The following ZDHHC15 variants were observed in gnomAD, a reference collection of about 807,000 sequenced individuals.
The protein encoded by ZDHHC15 is zDHHC palmitoyltransferase 15.
A neutral mutation model predicts 31.7 loss-of-function variants in ZDHHC15; 19 were observed. The ratio of observed to expected loss-of-function variants is 0.60; its 90% CI spans 0.42 to 0.88. The LOEUF (loss-of-function observed/expected upper bound fraction) is 0.88. ZDHHC15 is among the 40% of genes least tolerant of loss of function. The probability of loss-of-function intolerance (pLI) is 0.00; values close to 1 mark genes in which losing one functional copy is unlikely to be tolerated. For missense variants in ZDHHC15, 209 were observed against 251.2 expected, an observed-to-expected ratio of 0.83 and a Z score of 1.14; for synonymous variants, 103 against 90.0, an observed-to-expected ratio of 1.14 and a Z score of -0.82.
rs758517945 is a variant in ZDHHC15, at chrX:75,463,479, C to T, written c.259-12557G>A. ...TCTGCACAGCAAAAGAAACTACCAT[C>T]AGAGTGAACAGGCAACCTACAGAAT... On this transcript the variant is annotated intron_variant, in intron 3 of 11. Transcript: ENST00000373367. Among the ~76,000 whole-genome samples the T allele has an allele frequency of 5.2e-4, 58 of 110,654 alleles. 1 individual carries two copies. Among genetic ancestry groups the T allele is most frequent in the Non-Finnish European group, 9.4e-4 (50 of 52,972 alleles).
chrX:75,423,358 T>C, intron 8 of ZDHHC15, among the ~76,000 whole-genome samples: 1 of 107,329 alleles, frequency 9.3e-6, no homozygotes, highest in Middle Eastern at 4.7e-3. Context: ...TACTCCTTCC[T>C]CAAGTAGGCC....
chrX:75,460,556 C>T (rs1407110830), intron 3 of ZDHHC15, among the ~76,000 whole-genome samples: 2 of 109,846 alleles, frequency 1.8e-5, no homozygotes, highest in Non-Finnish European at 3.8e-5. Context: ...GGTCATTACC[C>T]CCCTGGGATG....
chrX:75,499,965 AATAAGATAATGGC>A (rs756733692), intron 2 of ZDHHC15, among the ~76,000 whole-genome samples: 1 of 112,069 alleles, frequency 8.9e-6, no homozygotes, highest in South Asian at 3.7e-4. Flanking sequence ...CATTAAAAGG[AATAAGATAATGGC>A]ATTTTATCTG....
At chrX:75,492,394 T>C (rs953742332) in intron 2 of ZDHHC15, among the ~76,000 whole-genome samples, 70 of 110,667 alleles carry the variant, frequency 6.3e-4, no homozygotes, top group Admixed American at 4.5e-3. Flanking sequence ...TTAACAAGGA[T>C]ATCCAGGAAT....
At chrX:75,488,620 C>T (rs1020352570) in intron 2 of ZDHHC15, among the ~76,000 whole-genome samples, 1 of 111,710 alleles carries the variant, frequency 9.0e-6, no homozygotes, top group African/African-American at 3.3e-5. Flanking sequence ...ATGAAAAATA[C>T]CCAAGATGGC....
intron 10 of ZDHHC15, among the ~76,000 whole-genome samples, chrX:75,399,126 A>T (rs954403874): frequency 9.0e-6 from 1 of 111,495 alleles, no homozygotes; most frequent in South Asian, 3.8e-4. Flanking sequence ...CAGCAGCCCT[A>T]TGAAAAAGTG....
At chrX:75,434,842 T>A (rs1416149526) in intron 4 of ZDHHC15, among the ~76,000 whole-genome samples, 2 of 112,052 alleles carry the variant, frequency 1.8e-5, no homozygotes, top group African/African-American at 3.2e-5. Context: ...TTCACATGAA[T>A]TTTAGAATTG....
intron 10 of ZDHHC15, among the ~76,000 whole-genome samples, chrX:75,389,915 C>A (rs2083222414): frequency 8.9e-6 from 1 of 112,173 alleles, no homozygotes; most frequent in African/African-American, 3.2e-5. Flanking sequence ...CTCTTGGGTT[C>A]CCCAATTCTA....
chrX:75,439,195 A>G (rs1465723332), intron 4 of ZDHHC15, among the ~76,000 whole-genome samples: 2 of 111,546 alleles, frequency 1.8e-5, no homozygotes, highest in Non-Finnish European at 3.8e-5. Flanking sequence ...TTGGATGTCT[A>G]TATCTCTAGC....
At chrX:75,431,087 G>C (rs1455083968) in intron 5 of ZDHHC15, among the ~76,000 whole-genome samples, 1 of 111,898 alleles carries the variant, frequency 8.9e-6, no homozygotes, top group Non-Finnish European at 1.9e-5. Flanking sequence ...ATAGACTTCA[G>C]TTAAAAATAA....
intron 2 of ZDHHC15, among the ~76,000 whole-genome samples, chrX:75,488,863 T>G (rs1016890983): frequency 8.9e-6 from 1 of 112,176 alleles, no homozygotes; most frequent in African/African-American, 3.2e-5. Flanking sequence ...AAGGGGTGAC[T>G]GATGACGGCA....
chrX:75,488,915 C>G (rs2084822197), intron 2 of ZDHHC15, among the ~76,000 whole-genome samples: 2 of 112,153 alleles, frequency 1.8e-5, no homozygotes, highest in African/African-American at 6.5e-5. Context: ...CTGCACTTTT[C>G]CAATGGTCTT....
At chrX:75,518,795 A>ATT in intron 1 of ZDHHC15, among the ~76,000 whole-genome samples, 1 of 26,690 alleles carries the variant, frequency 3.7e-5, no homozygotes, top group African/African-American at 1.1e-4. Context: ...ATATATATAT[A>ATT]TATATATATA....
chrX:75,406,046 A>C (rs1240619426), intron 10 of ZDHHC15, among the ~76,000 whole-genome samples: 1 of 112,214 alleles, frequency 8.9e-6, no homozygotes, highest in African/African-American at 3.2e-5. Context: ...GAAATAAATA[A>C]GATGAACCCT....
At chrX:75,495,723 T>C (rs1314254432) in intron 2 of ZDHHC15, among the ~76,000 whole-genome samples, 9 of 94,387 alleles carry the variant, frequency 9.5e-5, no homozygotes, top group Admixed American at 1.3e-4. Flanking sequence ...TAGGTGGGAA[T>C]TGAACAATGA....
intron 3 of ZDHHC15, among the ~76,000 whole-genome samples, chrX:75,467,722 T>C (rs1156638657): frequency 8.9e-6 from 1 of 112,483 alleles, no homozygotes; most frequent in Non-Finnish European, 1.9e-5. Flanking sequence ...CATAAGGTGA[T>C]GACGACAGTC....
At chrX:75,514,877 A>C (rs2085331603) in intron 1 of ZDHHC15, among the ~76,000 whole-genome samples, 1 of 111,867 alleles carries the variant, frequency 8.9e-6, no homozygotes, top group South Asian at 3.8e-4. Flanking sequence ...CGCAATAAAA[A>C]AATGATAAAG....
intron 7 of ZDHHC15, among the ~76,000 whole-genome samples, chrX:75,425,700 A>T (rs974806596): frequency 4.5e-5 from 5 of 111,810 alleles, no homozygotes; most frequent in African/African-American, 1.6e-4. Context: ...ATTGCTCTCT[A>T]GTAATAAAGT....
At chrX:75,485,211 T>C (rs947800195) in intron 2 of ZDHHC15, among the ~76,000 whole-genome samples, 3 of 111,670 alleles carry the variant, frequency 2.7e-5, no homozygotes, top group Non-Finnish European at 5.6e-5. Flanking sequence ...ATATAAATTA[T>C]ATCTCAATAA....
Sources: allele counts gnomAD v4.1 joint callset (sites outside exome capture counted in the v4.1 genomes callset), GRCh38; gene constraint gnomAD v4.1.1; transcripts MANE v1.5; gene names NCBI Gene and HGNC (gene_info 2026-07-23, HGNC 2026-07-21).